The following LRRC37A2 variants were observed in gnomAD, a reference collection of about 807,000 sequenced individuals.
LRRC37A2 encodes the protein leucine-rich repeat-containing protein 37A2.
LRRC37A2 carries 9 observed loss-of-function variants against 68.8 expected under a neutral mutation model. That is an observed-to-expected ratio of 0.13 (90% confidence interval 0.08 to 0.23). The LOEUF (loss-of-function observed/expected upper bound fraction) is 0.23. Ranked by LOEUF, LRRC37A2 falls within the 10% of genes least tolerant of loss-of-function variation. The probability of loss-of-function intolerance (pLI) is 1.00; values close to 1 mark genes in which losing one functional copy is unlikely to be tolerated. For missense variants in LRRC37A2, 168 were observed against 950.4 expected (o/e 0.18, Z 10.82); for synonymous variants, 63 against 367.6 (o/e 0.17, Z 9.48).
the LRRC37A2 span, among the ~76,000 whole-genome samples, chr17:46,640,360 ATAT>A: frequency 1.9e-4 from 24 of 123,972 alleles, 7 homozygotes; most frequent in African/African-American, 7.8e-4. Context: ...TGCAGACCTA[ATAT>A]TAATGTAAAA....
At chr17:46,614,376 G>T in the LRRC37A2 span, among the ~76,000 whole-genome samples, 1 of 91,078 alleles carries the variant, frequency 1.1e-5, no homozygotes, top group Non-Finnish European at 1.8e-5. Context: ...AAAGGATAAT[G>T]ATGGTATTAA....
the LRRC37A2 span, among the ~76,000 whole-genome samples, chr17:46,754,270 C>T: frequency 1.3e-5 from 2 of 150,496 alleles, no homozygotes; most frequent in Admixed American, 6.6e-5. Flanking sequence ...GTAGTCTGAC[C>T]TCTTACCTTT....
chr17:46,532,367 G>T (rs1229862561), intron 6 of LRRC37A2, among the ~76,000 whole-genome samples: 1 of 150,248 alleles, frequency 6.7e-6, no homozygotes, highest in Non-Finnish European at 1.5e-5. Context: ...AAGAAATACT[G>T]GTCTGTAATT....
At chr17:46,935,959 C>T in the LRRC37A2 span, 8 of 985,708 alleles carry the variant, frequency 8.1e-6, no homozygotes, top group Admixed American at 2.5e-4. Context: ...AACAGTCACT[C>T]GGAAGTGTGA....
the LRRC37A2 span, among the ~76,000 whole-genome samples, chr17:46,759,772 C>A: frequency 1.3e-5 from 2 of 152,146 alleles, no homozygotes; most frequent in African/African-American, 4.8e-5. Context: ...GTACCTCATC[C>A]CCTCATCCTT....
chr17:46,703,680 CA>C, the LRRC37A2 span, among the ~76,000 whole-genome samples: 455 of 37,742 alleles, frequency 0.012, 1 homozygote, highest in African/African-American at 0.038. Flanking sequence ...GACTCCGTCT[CA>C]AAAAAAAAAA....
the LRRC37A2 span, among the ~76,000 whole-genome samples, chr17:46,797,818 G>A: frequency 5.3e-5 from 8 of 152,240 alleles, no homozygotes; most frequent in Non-Finnish European, 8.8e-5. Context: ...ACAATGCAGA[G>A]AGAGAATAGC....
At chr17:46,831,858 T>C in the LRRC37A2 span, among the ~76,000 whole-genome samples, 1 of 152,374 alleles carries the variant, frequency 6.6e-6, no homozygotes, top group Admixed American at 6.5e-5. Flanking sequence ...GGGTCCTGTA[T>C]GCATTGAGTG....
the LRRC37A2 span, among the ~76,000 whole-genome samples, chr17:46,824,072 A>C: frequency 1.3e-5 from 2 of 152,086 alleles, no homozygotes; most frequent in African/African-American, 4.8e-5. Flanking sequence ...CTTCTCCAGA[A>C]GGATTTATCC....
chr17:46,775,322 G>A, the LRRC37A2 span, among the ~76,000 whole-genome samples: 376 of 152,232 alleles, frequency 2.5e-3, 3 homozygotes, highest in African/African-American at 8.6e-3. Flanking sequence ...GCCTTCCCCC[G>A]GGTCCCTCCT....
the LRRC37A2 span, chr17:47,018,302 T>C: frequency 6.2e-7 from 1 of 1,611,534 alleles, no homozygotes; most frequent in South Asian, 1.1e-5. Context: ...CTGAGTCTTC[T>C]GGGGAGGTCG....
the LRRC37A2 span, among the ~76,000 whole-genome samples, chr17:46,741,359 A>G: frequency 6.6e-6 from 1 of 152,168 alleles, no homozygotes; most frequent in Non-Finnish European, 1.5e-5. Flanking sequence ...AGTATTTTAA[A>G]TTATTAAGGG....
chr17:46,975,940 T>C, the LRRC37A2 span, among the ~76,000 whole-genome samples: 1 of 152,080 alleles, frequency 6.6e-6, no homozygotes, highest in Non-Finnish European at 1.5e-5. Context: ...GTTGTTGTTG[T>C]TTTGGAGACG....
chr17:47,012,068 G>A, the LRRC37A2 span, among the ~76,000 whole-genome samples: 8 of 152,154 alleles, frequency 5.3e-5, no homozygotes, highest in South Asian at 2.1e-4. Context: ...TTTAGCATCC[G>A]ATGATGATTC....
chr17:46,678,970 A>G, the LRRC37A2 span, among the ~76,000 whole-genome samples: 4 of 151,062 alleles, frequency 2.6e-5, no homozygotes, highest in Non-Finnish European at 5.9e-5. Context: ...AATAGCCTAC[A>G]GCTATATACA....
chr17:46,740,907 C>A, the LRRC37A2 span, among the ~76,000 whole-genome samples: 1 of 151,978 alleles, frequency 6.6e-6, no homozygotes. Context: ...GGTGATCTGC[C>A]CGTCTCAATA....
the LRRC37A2 span, among the ~76,000 whole-genome samples, chr17:46,987,406 A>G: frequency 6.6e-6 from 1 of 152,208 alleles, no homozygotes; most frequent in Non-Finnish European, 1.5e-5. Context: ...CCTGGCATTT[A>G]CATTTCCCCA....
chr17:46,817,640 C>G, the LRRC37A2 span, among the ~76,000 whole-genome samples: 756 of 145,794 alleles, frequency 5.2e-3, 6 homozygotes, highest in Middle Eastern at 0.028. Context: ...ACAGCCCCCC[C>G]CAAGCACTGC....
chr17:46,848,931 T>TGC, the LRRC37A2 span, among the ~76,000 whole-genome samples: 3,087 of 128,758 alleles, frequency 0.024, 36 homozygotes, highest in Middle Eastern at 0.081. Flanking sequence ...TGTGTGCACG[T>TGC]GCACACACAC....
Sources: allele counts gnomAD v4.1 joint callset (sites outside exome capture counted in the v4.1 genomes callset), GRCh38; gene constraint gnomAD v4.1.1; transcripts MANE v1.5; gene names NCBI Gene and HGNC (gene_info 2026-07-23, HGNC 2026-07-21).